EML6: variants seen among roughly 807,000 people sequenced by gnomAD.
EML6 encodes echinoderm microtubule-associated protein-like 6.
Under a neutral mutation model 240.1 loss-of-function variants are expected in EML6, and 154 were observed. The observed-to-expected ratio is 0.64, with a 90% CI of 0.56 to 0.73. The LOEUF is 0.73. EML6 is among the 30% of genes least tolerant of loss of function. EML6 has a pLI of 0.00. For missense variants in EML6, 2,964 were observed against 2,474.6 expected, an observed-to-expected ratio of 1.20 and a Z score of -4.20; for synonymous variants, 1,148 against 899.0, an observed-to-expected ratio of 1.28 and a Z score of -4.95.
chr2:54,802,671 A>ACTACTACTACTG (rs1670231640), intron 2 of EML6, among the ~76,000 whole-genome samples: 1 of 139,980 alleles, frequency 7.1e-6, no homozygotes, highest in African/African-American at 2.7e-5. Context: ...TACTACTGCT[A>ACTACTACTACTG]CTACTACTAC....
intron 2 of EML6, among the ~76,000 whole-genome samples, chr2:54,788,158 T>C (rs1306232692): frequency 6.6e-6 from 1 of 152,150 alleles, no homozygotes; most frequent in Non-Finnish European, 1.5e-5. Flanking sequence ...AAGGCTTAGG[T>C]CGCCAGGTTC....
intron 28 of EML6, among the ~76,000 whole-genome samples, chr2:54,942,499 C>T (rs1675481404): frequency 6.6e-6 from 1 of 151,982 alleles, no homozygotes; most frequent in Non-Finnish European, 1.5e-5. Context: ...AGTGTGTGGT[C>T]AGGATGTGGT....
chr2:54,859,692 G>A lies in EML6; in HGVS notation c.1816G>A (p.Ala606Thr), dbSNP rs1345180258. 1.3e-6 allele frequency: 2 copies of A among 1,535,234 alleles called. No homozygotes were observed. Among genetic ancestry groups the A allele is most frequent in the Non-Finnish European group, 1.8e-6 (2 of 1,142,534 alleles). Residue 606 changes from alanine (A) to threonine (T), a missense_variant, in exon 12 of 42, where the codon GCA becomes ACA. By Grantham distance (58) the Ala-to-Thr change is moderately conservative. Transcript: ENST00000356458. ...EGVSNGMLET[A>T]PQEGGADSYS... ...TGTCAGCAACGGCATGCTGGAAACT[G>A]CACCCCAAGGTAAACCCAGCAATAA...
intron 25 of EML6, among the ~76,000 whole-genome samples, chr2:54,911,770 A>G: frequency 6.6e-6 from 1 of 152,158 alleles, no homozygotes; most frequent in East Asian, 1.9e-4. Flanking sequence ...AACAATCTGC[A>G]ATCTGACCAT....
chr2:54,802,205 G>A (rs1474662691), intron 2 of EML6, among the ~76,000 whole-genome samples: 5 of 152,078 alleles, frequency 3.3e-5, no homozygotes. Flanking sequence ...AAACACTGAT[G>A]GCAGAATTGG....
intron 6 of EML6, 122 bp downstream of exon 6, chr2:54,827,873 CATG>C: frequency 1.5e-6 from 1 of 657,780 alleles, no homozygotes; most frequent in Non-Finnish European, 2.6e-6. Context: ...ACTCCCTACT[CATG>C]ATAATTTCCC....
intron 22 of EML6, among the ~76,000 whole-genome samples, chr2:54,902,254 C>A (rs1673096618): frequency 6.6e-6 from 1 of 152,188 alleles, no homozygotes; most frequent in Non-Finnish European, 1.5e-5. Context: ...CCTATTAACC[C>A]TATACTCCTT....
At chr2:54,814,019 C>T (rs1392881918) in intron 3 of EML6, among the ~76,000 whole-genome samples, 1 of 152,202 alleles carries the variant, frequency 6.6e-6, no homozygotes, top group African/African-American at 2.4e-5. Context: ...TTAGTCTCCT[C>T]ACAGGCAATT....
intron 2 of EML6, among the ~76,000 whole-genome samples, chr2:54,785,909 C>T (rs909709111): frequency 2.0e-5 from 3 of 151,414 alleles, no homozygotes; most frequent in Admixed American, 6.6e-5. Context: ...AAGCTTGTGT[C>T]GTCTAAGGAT....
At chr2:54,809,539 A>G (rs578048508) in intron 2 of EML6, among the ~76,000 whole-genome samples, 1 of 152,276 alleles carries the variant, frequency 6.6e-6, no homozygotes, top group African/African-American at 2.4e-5. Flanking sequence ...GTGACTTCTG[A>G]GGCTCAGAGC....
chr2:54,854,153 TTATA>T (rs1394365987), intron 11 of EML6, among the ~76,000 whole-genome samples: 2 of 152,216 alleles, frequency 1.3e-5, no homozygotes, highest in East Asian at 3.8e-4. Flanking sequence ...TATTCATAGT[TTATA>T]TATAGTCCGT....
Position 54,847,529 on chromosome 2 carries a change from A to G in EML6, c.1093A>G (p.Met365Val). 2 of 1,552,140 alleles carry G rather than the reference A, an allele frequency of 1.3e-6. No homozygotes were observed. Among genetic ancestry groups the G allele is most frequent in the South Asian group, 1.2e-5 (1 of 84,062 alleles). ...TCATGCCTTGATCGCCCGCTGTAACATGGAAGAGGCGGTTCGCAGTGTAGC... is the reference window on the plus strand; with the variant it reads ...TCATGCCTTGATCGCCCGCTGTAACGTGGAAGAGGCGGTTCGCAGTGTAGC... Reference protein sequence around the residue: ...ADHALIARCNMEEAVRSVAFS... With the variant: ...ADHALIARCNVEEAVRSVAFS... Residue 365 changes from methionine to valine, a missense_variant, in exon 9 of 42, where the codon ATG (methionine) becomes GTG (valine). Met to Val is a conservative substitution (Grantham distance 21, BLOSUM62 1). Transcript: ENST00000356458.
chr2:54,935,362 GT>G, intron 28 of EML6, among the ~76,000 whole-genome samples: 1 of 152,322 alleles, frequency 6.6e-6, no homozygotes, highest in Non-Finnish European at 1.5e-5. Flanking sequence ...CTAATGGAAA[GT>G]GGTGATTATC....
In EML6 at chr2:54,964,744, G is replaced by T. The variant is rs747065701; in HGVS notation, c.5493+11G>T. The T allele has an allele frequency of 7.7e-6, 12 of 1,551,468 alleles. No individual in the cohort carries two copies. In the South Asian group the frequency reaches 1.4e-4, roughly 18 times the overall value. On this transcript the variant is annotated intron_variant, in intron 38 of 41. Coordinates refer to ENST00000356458, the MANE Select transcript of EML6 (RefSeq NM_001039753.4). Reference sequence around the variant, plus strand: ...GGCAAATACATTCAGGTATGCTTGGGGTTTACTTATATCTGGGGCAACCAA... The same window carrying T: ...GGCAAATACATTCAGGTATGCTTGGTGTTTACTTATATCTGGGGCAACCAA...
chr2:54,957,644 A>C (rs77602473), intron 32 of EML6, 146 bp from the exon 33 acceptor site: 59,908 of 700,084 alleles, frequency 0.086, 3,961 homozygotes, highest in Admixed American at 0.21. Context: ...CCACCTGGGG[A>C]ATAGTGTCTG....
intron 25 of EML6, among the ~76,000 whole-genome samples, chr2:54,913,502 T>A (rs1481632849): frequency 6.6e-6 from 1 of 152,092 alleles, no homozygotes; most frequent in East Asian, 1.9e-4. Context: ...TTTAATGGGG[T>A]TGTTTTTTGC....
At chr2:54,925,899 C>T (rs934328536) in intron 26 of EML6, among the ~76,000 whole-genome samples, 3 of 152,154 alleles carry the variant, frequency 2.0e-5, no homozygotes, top group African/African-American at 7.2e-5. Context: ...ATTTTTAAAA[C>T]CCTCCATGCC....
intron 33 of EML6, among the ~76,000 whole-genome samples, chr2:54,958,528 G>GT (rs1676342141): frequency 2.0e-5 from 3 of 152,018 alleles, no homozygotes; most frequent in Admixed American, 6.5e-5. Flanking sequence ...ACCAGAAAAG[G>GT]TAGGACACCC....
intron 4 of EML6, among the ~76,000 whole-genome samples, chr2:54,818,721 G>C (rs970504410): frequency 3.3e-5 from 5 of 152,196 alleles, no homozygotes; most frequent in Admixed American, 6.5e-5. Context: ...GCCAGTAAGG[G>C]TGAAATGTAA....
Sources: gnomAD v4.1 joint callset for allele counts (sites outside exome capture counted in the v4.1 genomes callset) on GRCh38, gnomAD v4.1.1 for gene constraint, MANE v1.5 for transcripts, NCBI Gene and HGNC (gene_info 2026-07-23, HGNC 2026-07-21) for gene names.